Variants in KCND2 observed in about 807,000 individuals in gnomAD.
KCND2 encodes the protein A-type voltage-gated potassium channel KCND2.
Under a neutral mutation model 54.4 loss-of-function variants are expected in KCND2, and 16 were observed. The observed-to-expected ratio is 0.29, with a 90% CI of 0.20 to 0.45. The LOEUF (loss-of-function observed/expected upper bound fraction) is 0.45, where lower values mean the gene tolerates loss of function less well. Ranked by LOEUF, KCND2 falls within the 20% of genes least tolerant of loss-of-function variation. KCND2 has a pLI of 1.00. For missense variants in KCND2, 486 were observed against 824.2 expected (o/e 0.59, Z 5.02); for synonymous variants, 317 against 310.7 (o/e 1.02, Z -0.21).
intron 1 of KCND2, among the ~76,000 whole-genome samples, chr7:120,665,818 T>C (rs1237135746): frequency 6.6e-6 from 1 of 152,096 alleles, no homozygotes; most frequent in African/African-American, 2.4e-5. Context: ...AGCACAATTA[T>C]TCAAGTAACA....
At chr7:120,593,821 G>C (rs10273242) in intron 1 of KCND2, among the ~76,000 whole-genome samples, 7,938 of 151,906 alleles carry the variant, frequency 0.052, 596 homozygotes, top group African/African-American at 0.17. Flanking sequence ...CCTTTTGCTG[G>C]AAATCTGGCC....
At chr7:120,358,548 G>A (rs1800541709) in intron 1 of KCND2, among the ~76,000 whole-genome samples, 1 of 151,882 alleles carries the variant, frequency 6.6e-6, no homozygotes, top group African/African-American at 2.4e-5. Flanking sequence ...CTCCTGACAT[G>A]AATCTTGTGT....
intron 1 of KCND2, among the ~76,000 whole-genome samples, chr7:120,398,461 TA>T: frequency 1.3e-5 from 2 of 151,926 alleles, no homozygotes; most frequent in Middle Eastern, 6.8e-3. Flanking sequence ...TATGTTTACA[TA>T]AAACAGATTC....
chr7:120,577,713 G>A (rs141620263), intron 1 of KCND2, among the ~76,000 whole-genome samples: 89 of 152,210 alleles, frequency 5.8e-4, no homozygotes, highest in African/African-American at 2.0e-3. Flanking sequence ...AGCCTCTCAC[G>A]TAACTGGGAC....
rs559894917 is a variant in KCND2 at position 120,661,654 on chromosome 7, A to C, written c.1116-71249A>C. 1.1e-3 allele frequency among the ~76,000 whole-genome samples: 164 copies of C among 143,966 alleles called. 1 individual carries two copies. The highest frequency in any genetic ancestry group is 4.4e-3 in the African/African-American group (159 of 35,734). 94.4% of individuals were successfully genotyped at this position (143,966 alleles called of 152,430 possible). ...GACAGAGCTAGACTTCTTCTCAAAAAAAAAAAAGAAAGAAAGGAGAGCAGG... is the reference window on the plus strand; with the variant it reads ...GACAGAGCTAGACTTCTTCTCAAAACAAAAAAAGAAAGAAAGGAGAGCAGG... On this transcript the variant is annotated intron_variant, in intron 1 of 5. Transcript: ENST00000331113.
Position 120,275,289 on chromosome 7 carries a change from G to T in KCND2, c.657G>T (p.Leu219=). 6.2e-7 allele frequency: 1 copy of T among 1,613,838 alleles called. No individual in the cohort carries two copies. The change falls in exon 1 of 6, where the codon CTG becomes CTT. Residue 219 remains leucine, a synonymous_variant. Coordinates refer to ENST00000331113, the MANE Select transcript of KCND2 (RefSeq NM_012281.3). ...CAAGCCCAGGTCACATTAAAGAACT[G>T]CCCTGTGGAGAGCGGTATGCTGTGG... ...CGSSPGHIKE[L]PCGERYAVAF... is the part of the protein sequence containing the mutation.
chr7:120,545,527 C>G (rs1308236231), intron 1 of KCND2, among the ~76,000 whole-genome samples: 1 of 151,778 alleles, frequency 6.6e-6, no homozygotes, highest in Non-Finnish European at 1.5e-5. Flanking sequence ...GATCCCAGGT[C>G]AGCAATGAAA....
chr7:120,344,028 A>G (rs1322794339), intron 1 of KCND2, among the ~76,000 whole-genome samples: 1 of 152,176 alleles, frequency 6.6e-6, no homozygotes, highest in African/African-American at 2.4e-5. Flanking sequence ...ATCATAGATG[A>G]TCTTAAATCT....
intron 1 of KCND2, among the ~76,000 whole-genome samples, chr7:120,701,444 C>T (rs1792401804): frequency 6.6e-6 from 1 of 151,922 alleles, no homozygotes; most frequent in African/African-American, 2.4e-5. Context: ...ATTAGGATAG[C>T]CAAGTGCTCA....
intron 1 of KCND2, among the ~76,000 whole-genome samples, chr7:120,516,208 G>A (rs1454093046): frequency 6.6e-6 from 1 of 152,030 alleles, no homozygotes; most frequent in Non-Finnish European, 1.5e-5. Flanking sequence ...TAAAATAAGA[G>A]CATTAGAAAA....
Position 120,274,696 on chromosome 7 carries a change from G to C in KCND2, c.64G>C (p.Val22Leu), listed in dbSNP as rs746823484. ...GGCAGCGGCTATCGGGTGGATGCCT[G>C]TGGCCTCGGGGCCTATGCCGGCTCC... The part of the protein sequence containing the change: ...ARAAAIGWMP[V>L]ASGPMPAPPR... Residue 22 changes from valine to leucine, a missense_variant, in exon 1 of 6, where the codon GTG (valine) becomes CTG (leucine). By Grantham distance (32) the Val-to-Leu change is conservative. This residue lies in a region of KCND2 where 231 missense variants were observed against 386.0 expected (regional missense o/e 0.60). Coordinates refer to ENST00000331113, the MANE Select transcript of KCND2 (RefSeq NM_012281.3). 3.8e-5 allele frequency: 62 copies of C among 1,614,062 alleles called. No individual in the cohort carries two copies. The highest frequency in any genetic ancestry group is 5.1e-5 in the Non-Finnish European group (60 of 1,180,012).
intron 1 of KCND2, among the ~76,000 whole-genome samples, chr7:120,280,040 G>GC (rs1419437696): frequency 6.6e-6 from 1 of 151,864 alleles, no homozygotes; most frequent in Non-Finnish European, 1.5e-5. Context: ...CATAACTATT[G>GC]CTAGTGCATT....
chr7:120,349,416 C>A (rs1273509648), intron 1 of KCND2, among the ~76,000 whole-genome samples: 1 of 151,988 alleles, frequency 6.6e-6, no homozygotes, highest in Non-Finnish European at 1.5e-5. Flanking sequence ...AATTAATGCA[C>A]CTGTCTTTGT....
chr7:120,709,413 C>T (rs760654925), intron 1 of KCND2, among the ~76,000 whole-genome samples: 1 of 152,014 alleles, frequency 6.6e-6, no homozygotes, highest in Non-Finnish European at 1.5e-5. Context: ...TTGTTCTTAC[C>T]AGAACAGTAG....
chr7:120,312,571 C>G (rs1799752490), intron 1 of KCND2, among the ~76,000 whole-genome samples: 1 of 152,104 alleles, frequency 6.6e-6, no homozygotes. Context: ...TTTGATCTTT[C>G]TAAATTGACA....
At chr7:120,522,624 T>G (rs938144621) in intron 1 of KCND2, among the ~76,000 whole-genome samples, 2 of 152,172 alleles carry the variant, frequency 1.3e-5, no homozygotes, top group Admixed American at 6.6e-5. Flanking sequence ...AAAGTAATTG[T>G]TCAGCAAAAG....
At chr7:120,658,736 A>G (rs890168829) in intron 1 of KCND2, among the ~76,000 whole-genome samples, 2 of 152,212 alleles carry the variant, frequency 1.3e-5, no homozygotes, top group African/African-American at 4.8e-5. Flanking sequence ...AAGGACTGGT[A>G]TTCATTCTCT....
chr7:120,497,373 G>A (rs975089113), intron 1 of KCND2, among the ~76,000 whole-genome samples: 8 of 152,292 alleles, frequency 5.3e-5, no homozygotes, highest in Middle Eastern at 3.4e-3. Context: ...GGACGCATAC[G>A]TGCTATTTCT....
At chr7:120,467,147 A>T (rs1435820819) in intron 1 of KCND2, among the ~76,000 whole-genome samples, 3 of 152,160 alleles carry the variant, frequency 2.0e-5, no homozygotes, top group Non-Finnish European at 2.9e-5. Flanking sequence ...TCGGGGAGCC[A>T]TTACTAAGCC....
Sources: allele counts gnomAD v4.1 joint callset (sites outside exome capture counted in the v4.1 genomes callset), GRCh38; gene constraint gnomAD v4.1.1; regional missense constraint gnomAD v4.1.1; transcripts MANE v1.5; gene names NCBI Gene and HGNC (gene_info 2026-07-23, HGNC 2026-07-21).